Variants in TMPRSS9 observed in about 807,000 individuals in gnomAD.
TMPRSS9 encodes transmembrane protease serine 9.
In TMPRSS9, 113 loss-of-function variants were observed where a neutral mutation model predicts 111.4. The ratio of observed to expected loss-of-function variants is 1.01; its 90% confidence interval spans 0.87 to 1.19. The LOEUF is 1.19. Ranked by LOEUF, TMPRSS9 falls within the 50% of genes most tolerant of loss-of-function variation. The pLI is 0.00. For missense variants in TMPRSS9, 1,803 were observed against 1,513.1 expected (o/e 1.19, Z -3.18); for synonymous variants, 805 against 659.1 (o/e 1.22, Z -3.39).
chr19:2,374,355 C>G (rs1196333196), intron 1 of TMPRSS9, among the ~76,000 whole-genome samples: 1 of 143,384 alleles, frequency 7.0e-6, no homozygotes, highest in African/African-American at 2.6e-5. Context: ...GGTGGATCAC[C>G]TGAGGTCAGG....
chr19:2,385,873 T>A (rs1168320915), upstream of TMPRSS9, among the ~76,000 whole-genome samples: 1 of 151,808 alleles, frequency 6.6e-6, no homozygotes, highest in Admixed American at 6.6e-5. Context: ...AAAGATTACG[T>A]ATCTATTCCA....
chr19:2,394,210 A>G (rs1014812604), intron 1 of TMPRSS9, among the ~76,000 whole-genome samples: 12 of 127,282 alleles, frequency 9.4e-5, no homozygotes. Context: ...TCAAGAAAAG[A>G]GAAGGAAAGA....
rs1226603254 is a variant in TMPRSS9 at position 2,425,821 on chromosome 19, G to A, written c.3121-106G>A. 8 of 1,422,848 alleles carry A rather than the reference G, an allele frequency of 5.6e-6. No homozygotes were observed. In the African/African-American group the frequency reaches 7.3e-5, roughly 13 times the overall value. 88.1% of individuals were successfully genotyped at this position (1,422,848 alleles called of 1,614,324 possible). On this transcript the variant is annotated intron_variant, in intron 17 of 17. Coordinates refer to ENST00000648592, the Ensembl canonical transcript of TMPRSS9. Reference sequence around the variant, plus strand: ...CCATTTTCCAGATAGTGAAAATGCGGCTCCCAGGGGAAGTCACTAGGGTCA... The same window carrying A: ...CCATTTTCCAGATAGTGAAAATGCGACTCCCAGGGGAAGTCACTAGGGTCA...
At chr19:2,426,002 T>C (rs756391483) in exon 18 of TMPRSS9, 1 of 1,607,432 alleles carries the variant, frequency 6.2e-7, no homozygotes, top group Non-Finnish European at 8.5e-7. Flanking sequence ...TAGCTGGGGC[T>C]ATGGCTGTGG....
chr19:2,424,955 G>GCGCTGCGTCATCACCGGCT, intron 15 of TMPRSS9, 47 bp from the exon 17 acceptor site: 1 of 1,409,810 alleles, frequency 7.1e-7, no homozygotes, highest in Non-Finnish European at 9.2e-7. Context: ...GGCGGGGGCC[G>GCGCTGCGTCATCACCGGCT]GGGGCGTGGG....
intron 15 of TMPRSS9, 60 bp from the exon 17 acceptor site, chr19:2,424,942 A>C: frequency 7.2e-7 from 1 of 1,388,068 alleles, no homozygotes; most frequent in Non-Finnish European, 9.3e-7. Flanking sequence ...GGGACACCAC[A>C]GGGGCGGGGG....
At chr19:2,425,397 C>T (rs372745271) in exon 17 of TMPRSS9, 20 of 1,563,240 alleles carry the variant, frequency 1.3e-5, no homozygotes, top group Middle Eastern at 3.5e-4. Flanking sequence ...CCGTGCGCCT[C>T]CTCAGCGAGC....
chr19:2,416,288 A>T, intron 11 of TMPRSS9: 1 of 536,112 alleles, frequency 1.9e-6, no homozygotes, highest in Non-Finnish European at 3.3e-6. Flanking sequence ...GGGCATTGGC[A>T]CAGGTGTAGA....
intron 9 of TMPRSS9, among the ~76,000 whole-genome samples, chr19:2,412,540 C>T (rs1971118947): frequency 6.6e-6 from 1 of 152,184 alleles, no homozygotes; most frequent in South Asian, 2.1e-4. Context: ...CCAAAGACCT[C>T]CTGGTCTCAT....
intron 8 of TMPRSS9, 117 bp from the exon 10 acceptor site, chr19:2,410,141 T>G: frequency 6.9e-7 from 1 of 1,458,548 alleles, no homozygotes; most frequent in South Asian, 1.3e-5. Flanking sequence ...GTGGCCATGC[T>G]TGGAGCTGGG....
intron 1 of TMPRSS9, among the ~76,000 whole-genome samples, chr19:2,393,879 C>A (rs1177119271): frequency 1.1e-5 from 1 of 89,172 alleles, no homozygotes; most frequent in Admixed American, 1.5e-4. Flanking sequence ...ACCTGGGCAA[C>A]AAAGGGAGAC....
At chr19:2,373,824 C>G (rs867201069) in intron 1 of TMPRSS9, among the ~76,000 whole-genome samples, 1 of 152,226 alleles carries the variant, frequency 6.6e-6, no homozygotes, top group African/African-American at 2.4e-5. Flanking sequence ...TTGCCGTACA[C>G]GTGGCCTAGG....
chr19:2,363,425 C>G (rs1008840209), intron 1 of TMPRSS9, among the ~76,000 whole-genome samples: 1 of 149,666 alleles, frequency 6.7e-6, no homozygotes, highest in African/African-American at 2.5e-5. Flanking sequence ...GTAGATGGAT[C>G]GCAGGTGAGG....
upstream of TMPRSS9, chr19:2,389,660 G>C (rs529391864): frequency 2.5e-6 from 3 of 1,194,484 alleles, no homozygotes; most frequent in South Asian, 1.6e-5. Context: ...GAGCCACCGC[G>C]CCCCGCCGTT....
chr19:2,398,052 T>C (rs1970746360), intron 2 of TMPRSS9, among the ~76,000 whole-genome samples: 1 of 149,898 alleles, frequency 6.7e-6, no homozygotes, highest in Non-Finnish European at 1.5e-5. Flanking sequence ...CCCAGCTAAT[T>C]TGGGAGGCTG....
chr19:2,418,313 C>CCTTGT (rs1568189323), intron 13 of TMPRSS9, among the ~76,000 whole-genome samples, 175 bp downstream of exon 14: 3 of 43,210 alleles, frequency 6.9e-5, no homozygotes, highest in African/African-American at 6.7e-4. Flanking sequence ...CCCTTTCCCT[C>CCTTGT]CCTCCCTCCC....
At chr19:2,411,818 C>T (rs1054254895) in intron 9 of TMPRSS9, among the ~76,000 whole-genome samples, 2 of 152,282 alleles carry the variant, frequency 1.3e-5, no homozygotes, top group East Asian at 1.9e-4. Flanking sequence ...TCCCAAAGTG[C>T]TAGGATTACA....
At chr19:2,377,834 T>C in intron 1 of TMPRSS9, among the ~76,000 whole-genome samples, 1 of 145,698 alleles carries the variant, frequency 6.9e-6, no homozygotes, top group Non-Finnish European at 1.5e-5. Context: ...TGCCTCAGCC[T>C]CCTGAGTGGC....
intron 9 of TMPRSS9, among the ~76,000 whole-genome samples, chr19:2,411,656 GT>G (rs1971099557): frequency 6.6e-6 from 1 of 151,884 alleles, no homozygotes; most frequent in Non-Finnish European, 1.5e-5. Flanking sequence ...GTTTCAAGTG[GT>G]TCTCATGCCT....
Sources: allele counts gnomAD v4.1 joint callset (sites outside exome capture counted in the v4.1 genomes callset), GRCh38; gene constraint gnomAD v4.1.1; transcripts MANE v1.5; gene names NCBI Gene and HGNC (gene_info 2026-07-23, HGNC 2026-07-21).